The following PRKN variants were observed in gnomAD, a reference collection of about 807,000 sequenced individuals.
PRKN encodes the protein E3 ubiquitin-protein ligase parkin.
Under a neutral mutation model 59.5 loss-of-function variants are expected in PRKN, and 56 were observed. The observed-to-expected ratio is 0.94, with a 90% confidence interval of 0.76 to 1.18. The LOEUF (loss-of-function observed/expected upper bound fraction) is 1.18, where lower values mean the gene tolerates loss of function less well. PRKN is among the 50% of genes most tolerant of loss of function. The pLI is 0.00. For synonymous variants in PRKN, 250 were observed against 222.1 expected, an observed-to-expected ratio of 1.13 and a Z score of -1.12; for missense variants, 657 against 596.4, an observed-to-expected ratio of 1.10 and a Z score of -1.06.
In PRKN at chr6:161,378,954, G is replaced by T. The variant is rs1417610365; in HGVS notation, c.1167+7840C>A. 6.6e-6 allele frequency among the ~76,000 whole-genome samples: 1 copy of T among 152,148 alleles called. No individual in the cohort carries two copies. The highest frequency in any genetic ancestry group is 1.5e-5 in the Non-Finnish European group (1 of 68,038). Reference sequence around the variant, plus strand: ...TGGCCTTGCATATATAGGGGCCCTGGCTTCCAGCAAGAGAGTACTTTTGCC... The same window carrying T: ...TGGCCTTGCATATATAGGGGCCCTGTCTTCCAGCAAGAGAGTACTTTTGCC... On this transcript the variant is annotated intron_variant, in intron 10 of 11. Transcript: ENST00000366898. The surrounding 1 kb of genome is among the most constrained non-coding windows in gnomAD (Gnocchi z 7.3).
intron 2 of PRKN, among the ~76,000 whole-genome samples, chr6:162,442,514 T>C (rs924192263): frequency 3.3e-5 from 5 of 152,174 alleles, no homozygotes; most frequent in Admixed American, 6.5e-5. Context: ...TTCTAGGTGA[T>C]GGTGGTATTA....
chr6:161,658,493 G>A (rs1037733651), intron 7 of PRKN, among the ~76,000 whole-genome samples: 4 of 152,122 alleles, frequency 2.6e-5, no homozygotes, highest in African/African-American at 4.8e-5. Flanking sequence ...CAATAACAGC[G>A]GGAGAGTGTA....
intron 1 of PRKN, among the ~76,000 whole-genome samples, chr6:162,688,583 C>T (rs2128234494): frequency 6.6e-6 from 1 of 152,220 alleles, no homozygotes. Context: ...TTAGTGAGTA[C>T]CAAGAGTGCA....
chr6:162,115,080 A>C (rs371983484), intron 4 of PRKN, among the ~76,000 whole-genome samples: 1 of 152,134 alleles, frequency 6.6e-6, no homozygotes, highest in East Asian at 1.9e-4. Flanking sequence ...CAATAGCAAA[A>C]ACTTGGAACC....
intron 2 of PRKN, among the ~76,000 whole-genome samples, chr6:162,371,800 T>C (rs1273570627): frequency 6.6e-6 from 1 of 152,178 alleles, no homozygotes; most frequent in Non-Finnish European, 1.5e-5. Context: ...CAGCAGCATG[T>C]TATTATGTTT....
intron 7 of PRKN, among the ~76,000 whole-genome samples, chr6:161,573,138 G>T (rs967748939): frequency 2.0e-5 from 3 of 152,132 alleles, no homozygotes; most frequent in African/African-American, 7.2e-5. Context: ...GAGAAGTTGT[G>T]GGGGAAGGGA....
intron 7 of PRKN, among the ~76,000 whole-genome samples, chr6:161,667,897 T>G (rs1784779126): frequency 6.6e-6 from 1 of 152,200 alleles, no homozygotes; most frequent in South Asian, 2.1e-4. Flanking sequence ...TGGGAGGGTT[T>G]ATTTATTTAA....
chr6:162,115,277 T>C (rs1419551279), intron 4 of PRKN, among the ~76,000 whole-genome samples: 1 of 147,146 alleles, frequency 6.8e-6, no homozygotes, highest in African/African-American at 2.5e-5. Flanking sequence ...TTCTTACTCA[T>C]AGGTGGGAAT....
Position 161,349,866 on chromosome 6 carries a change from G to A in PRKN, c.*233C>T. 1 of 587,960 alleles carries A rather than the reference G, an allele frequency of 1.7e-6. No homozygotes were observed. The highest frequency in any genetic ancestry group is 1.9e-5 in the South Asian group (1 of 51,816). The allele number at this position is 587,960 out of a possible 1,614,324, so 36.4% of individuals were successfully genotyped here. A position where few individuals can be genotyped will look rare whatever the true frequency, so the allele number is the denominator to read the frequency against. ...GCTGTCTTGTGTGGACAAACTGAAAGGGATTCAGGAGCTTCTTCTGTAATT... is the reference window on the plus strand; with the variant it reads ...GCTGTCTTGTGTGGACAAACTGAAAAGGATTCAGGAGCTTCTTCTGTAATT... On this transcript the variant is annotated 3_prime_UTR_variant, in exon 12 of 12. Transcript: ENST00000366898. This position sits in a 1 kb window ranked among gnomAD's most constrained non-coding sequence, Gnocchi z 5.5.
At chr6:161,997,082 G>A (rs1443636163) in intron 5 of PRKN, among the ~76,000 whole-genome samples, 1 of 152,080 alleles carries the variant, frequency 6.6e-6, no homozygotes, top group Non-Finnish European at 1.5e-5. Context: ...AATGAAATAC[G>A]TAATAAACTG....
At chr6:162,127,709 AT>A (rs1311330690) in intron 4 of PRKN, among the ~76,000 whole-genome samples, 2 of 152,226 alleles carry the variant, frequency 1.3e-5, no homozygotes, top group Non-Finnish European at 2.9e-5. Context: ...TGAATAACAC[AT>A]TGTAATTTTA....
chr6:162,509,434 G>T (rs1777485986), intron 1 of PRKN, among the ~76,000 whole-genome samples: 2 of 152,066 alleles, frequency 1.3e-5, no homozygotes, highest in South Asian at 4.2e-4. Flanking sequence ...TAAATGAAAA[G>T]CCTCAACAAA....
chr6:161,879,149 A>G lies in PRKN; in HGVS notation c.735-93241T>C, dbSNP rs7753190. On this transcript the variant is annotated intron_variant, in intron 6 of 11. Transcript: ENST00000366898. ...CTCCGTTAAGTTAGGAAGCACTGCT[A>G]ATTAACTGAGCTAGGAAGCTATGAG... Among the ~76,000 whole-genome samples, 1,410 of 152,206 alleles carry G rather than the reference A, an allele frequency of 9.3e-3. 22 individuals are homozygous for G. The highest frequency in any genetic ancestry group is 0.031 in the African/African-American group (1,276 of 41,528).
chr6:162,151,778 T>C (rs545453225), intron 4 of PRKN, among the ~76,000 whole-genome samples: 1 of 152,226 alleles, frequency 6.6e-6, no homozygotes, highest in East Asian at 1.9e-4. Context: ...GATAAAAATA[T>C]CTTCGGAGGA....
intron 7 of PRKN, among the ~76,000 whole-genome samples, chr6:161,766,614 C>G (rs1583130919): frequency 6.6e-6 from 1 of 152,252 alleles, no homozygotes; most frequent in East Asian, 1.9e-4. Context: ...CCCCACGGTT[C>G]CACAGAACAC....
At chr6:162,263,438 G>T (rs76366559) in intron 2 of PRKN, among the ~76,000 whole-genome samples, 6,948 of 152,102 alleles carry the variant, frequency 0.046, 555 homozygotes, top group African/African-American at 0.16. Flanking sequence ...CATTACACTG[G>T]TGGGGAAGCA....
At chr6:162,556,350 TGTGTGTGTGTGTG>T (rs1779579332) in intron 1 of PRKN, among the ~76,000 whole-genome samples, 1 of 55,988 alleles carries the variant, frequency 1.8e-5, no homozygotes, top group South Asian at 9.5e-4. Flanking sequence ...CTGGTGTGTG[TGTGTGTGTGTGTG>T]TGTGTGTGTG....
chr6:161,831,351 C>G (rs1792491247), intron 6 of PRKN, among the ~76,000 whole-genome samples: 1 of 152,228 alleles, frequency 6.6e-6, no homozygotes, highest in African/African-American at 2.4e-5. Context: ...GTACATGTGA[C>G]ATGTCAGCTG....
At chr6:162,444,688 A>G (rs7757594) in intron 1 of PRKN, among the ~76,000 whole-genome samples, 68,852 of 151,890 alleles carry the variant, frequency 0.45, 16,195 homozygotes, top group African/African-American at 0.58. Context: ...CATTTACTAT[A>G]TATGTCTTTT....
Sources: allele counts gnomAD v4.1 joint callset (sites outside exome capture counted in the v4.1 genomes callset), GRCh38; gene constraint gnomAD v4.1.1; non-coding constraint Gnocchi (gnomAD v3.1); transcripts MANE v1.5; gene names NCBI Gene and HGNC (gene_info 2026-07-23, HGNC 2026-07-21).